Variants in CSMD3 observed in about 807,000 individuals in gnomAD.
CSMD3 encodes CUB and Sushi multiple domains 3, also known as CUB and sushi domain-containing protein 3.
A neutral mutation model predicts 435.2 loss-of-function variants in CSMD3; 177 were observed. The ratio of observed to expected loss-of-function variants is 0.41; its 90% CI spans 0.36 to 0.46. CSMD3 has a LOEUF of 0.46. CSMD3 is among the 20% of genes least tolerant of loss of function. CSMD3 has a pLI of 0.34. For synonymous variants in CSMD3, 1,656 were observed against 1,520.5 expected (o/e 1.09, Z -2.07); for missense variants, 4,265 against 4,504.6 (o/e 0.95, Z 1.52).
At chr8:112,732,124 C>A (rs2077088296) in intron 13 of CSMD3, among the ~76,000 whole-genome samples, 1 of 151,790 alleles carries the variant, frequency 6.6e-6, no homozygotes, top group African/African-American at 2.4e-5. Flanking sequence ...AAATATTGCT[C>A]ATGCATTTGT....
intron 31 of CSMD3, among the ~76,000 whole-genome samples, chr8:112,477,126 T>C (rs551416933): frequency 1.2e-4 from 18 of 152,312 alleles, no homozygotes; most frequent in Admixed American, 5.2e-4. Context: ...GTTGAAATTA[T>C]CTCAGAAAAA....
At chr8:112,692,968 TC>T (rs2076171021) in intron 13 of CSMD3, among the ~76,000 whole-genome samples, 2 of 137,858 alleles carry the variant, frequency 1.5e-5, no homozygotes, top group Non-Finnish European at 3.1e-5. Flanking sequence ...TATCTATCTA[TC>T]TATCGAGAGA....
At chr8:112,502,175 GTGT>G (rs1444318736) in intron 30 of CSMD3, among the ~76,000 whole-genome samples, 1 of 152,084 alleles carries the variant, frequency 6.6e-6, no homozygotes, top group Admixed American at 6.5e-5. Flanking sequence ...GGTTAGAGTG[GTGT>G]TGTGGTCAAG....
intron 68 of CSMD3, among the ~76,000 whole-genome samples, chr8:112,232,477 C>T (rs1048654556): frequency 2.6e-5 from 4 of 152,018 alleles, no homozygotes; most frequent in Non-Finnish European, 5.9e-5. Context: ...GGGGTGGTGG[C>T]ATGTAGCTGT....
At chr8:112,320,041 C>G (rs963031642) in intron 45 of CSMD3, 60 bp from the exon 46 acceptor site, 1 of 1,045,002 alleles carries the variant, frequency 9.6e-7, no homozygotes, top group Non-Finnish European at 1.5e-6. Context: ...TTCACATATG[C>G]AAAAAAACAA....
At chr8:112,572,139 T>C (rs1829581549) in intron 24 of CSMD3, among the ~76,000 whole-genome samples, 1 of 152,030 alleles carries the variant, frequency 6.6e-6, no homozygotes, top group South Asian at 2.1e-4. Context: ...TCAATATCAT[T>C]ACAATATTGA....
At chr8:113,272,736 G>A (rs888425660) in intron 3 of CSMD3, among the ~76,000 whole-genome samples, 5 of 152,162 alleles carry the variant, frequency 3.3e-5, no homozygotes, top group Middle Eastern at 3.4e-3. Flanking sequence ...ATATTTTATT[G>A]AAATAATATC....
At chr8:113,155,947 T>G (rs553702136) in intron 4 of CSMD3, among the ~76,000 whole-genome samples, 4 of 152,192 alleles carry the variant, frequency 2.6e-5, no homozygotes, top group African/African-American at 9.6e-5. Context: ...TTTTCTATAA[T>G]GATTCTGAAA....
chr8:113,075,085 G>C (rs2089283555), intron 5 of CSMD3, among the ~76,000 whole-genome samples: 1 of 151,692 alleles, frequency 6.6e-6, no homozygotes, highest in African/African-American at 2.4e-5. Context: ...ATTATGCACT[G>C]TTTCTAAGCA....
At chr8:112,824,375 C>CT (rs2079615852) in intron 12 of CSMD3, among the ~76,000 whole-genome samples, 1 of 152,068 alleles carries the variant, frequency 6.6e-6, no homozygotes, top group Non-Finnish European at 1.5e-5. Context: ...TGGACATTAA[C>CT]TGTTGCAGTT....
intron 23 of CSMD3, among the ~76,000 whole-genome samples, chr8:112,579,990 A>G (rs1018702310): frequency 3.9e-5 from 6 of 152,102 alleles, no homozygotes; most frequent in East Asian, 1.9e-4. Context: ...GAATTTTGGA[A>G]TAGAATAAAT....
intron 63 of CSMD3, among the ~76,000 whole-genome samples, chr8:112,249,676 T>C (rs1191420126): frequency 6.6e-6 from 1 of 152,096 alleles, no homozygotes; most frequent in Non-Finnish European, 1.5e-5. Flanking sequence ...TGAGAATCTA[T>C]CTAGCATCAT....
At chr8:113,139,102 T>C (rs1009061657) in intron 4 of CSMD3, among the ~76,000 whole-genome samples, 6 of 150,110 alleles carry the variant, frequency 4.0e-5, no homozygotes, top group African/African-American at 1.5e-4. Flanking sequence ...ACAAAAAAAA[T>C]CACACAATCT....
intron 1 of CSMD3, among the ~76,000 whole-genome samples, chr8:113,433,274 A>T (rs370057100): frequency 1.3e-5 from 2 of 152,226 alleles, no homozygotes; most frequent in East Asian, 1.9e-4. Context: ...TCAAGCTGAG[A>T]CAGATATTTT....
chr8:113,175,617 G>C (rs1213670163), intron 3 of CSMD3, among the ~76,000 whole-genome samples: 1 of 151,932 alleles, frequency 6.6e-6, no homozygotes, highest in African/African-American at 2.4e-5. Context: ...ACTTTGAACA[G>C]TAGTTTATTT....
At chr8:113,088,619 G>A (rs1465712788) in intron 5 of CSMD3, among the ~76,000 whole-genome samples, 7 of 148,440 alleles carry the variant, frequency 4.7e-5, no homozygotes, top group Non-Finnish European at 7.4e-5. Context: ...GACAAAAAAC[G>A]AAACACCGCA....
chr8:112,492,869 G>A (rs545617920), intron 30 of CSMD3, among the ~76,000 whole-genome samples, 186 bp from the exon 31 acceptor site: 9 of 151,528 alleles, frequency 5.9e-5, no homozygotes, highest in South Asian at 4.2e-4. Context: ...TATAACAACC[G>A]TTTACCTAGC....
At chr8:113,385,366 AAC>A (rs1487489827) in intron 1 of CSMD3, among the ~76,000 whole-genome samples, 1 of 152,152 alleles carries the variant, frequency 6.6e-6, no homozygotes, top group Non-Finnish European at 1.5e-5. Flanking sequence ...ACAAAAATGA[AAC>A]GATTTACCAA....
At position 112,304,714 on chromosome 8, in the gene CSMD3, T is replaced by C; in HGVS notation, c.8266+7A>G. ...TATGAAATAAGTTTAGCAGAGTGTA[T>C]ACTTACTTTGGCAATATGGTCTTTC... On this transcript the variant is annotated splice_region_variant and intron_variant, in intron 52 of 70. Transcript: ENST00000297405. 6.2e-7 allele frequency: 1 copy of C among 1,600,264 alleles called. No individual in the cohort carries two copies. The highest frequency in any genetic ancestry group is 8.6e-7 in the Non-Finnish European group (1 of 1,167,428).
Sources: gnomAD v4.1 joint callset for allele counts (sites outside exome capture counted in the v4.1 genomes callset) on GRCh38, gnomAD v4.1.1 for gene constraint, MANE v1.5 for transcripts, NCBI Gene and HGNC (gene_info 2026-07-23, HGNC 2026-07-21) for gene names.